The following CSGALNACT1 variants were observed in gnomAD, a reference collection of about 807,000 sequenced individuals.
CSGALNACT1 encodes the protein chondroitin sulfate N-acetylgalactosaminyltransferase 1.
Under a neutral mutation model 51.0 loss-of-function variants are expected in CSGALNACT1, and 52 were observed. The ratio of observed to expected loss-of-function variants is 1.02; its 90% confidence interval spans 0.82 to 1.29. The LOEUF (loss-of-function observed/expected upper bound fraction) is 1.29. CSGALNACT1 is among the 50% of genes most tolerant of loss of function. The pLI, the probability that CSGALNACT1 is intolerant of heterozygous loss-of-function variation, is 0.00. For missense variants in CSGALNACT1, 935 were observed against 679.2 expected (o/e 1.38, Z -4.19); for synonymous variants, 341 against 254.4 (o/e 1.34, Z -3.24).
At chr8:19,570,503 G>A (rs975253633) in intron 3 of CSGALNACT1, among the ~76,000 whole-genome samples, 3 of 152,136 alleles carry the variant, frequency 2.0e-5, no homozygotes, top group African/African-American at 7.2e-5. Context: ...AGAGCAAGAG[G>A]TAATGAGGAC....
intron 1 of CSGALNACT1, among the ~76,000 whole-genome samples, chr8:19,638,379 C>T (rs1005302383): frequency 9.2e-5 from 14 of 152,142 alleles, no homozygotes; most frequent in African/African-American, 2.4e-4. Flanking sequence ...TCACACCCAT[C>T]GGTGCCCACT....
intron 3 of CSGALNACT1, among the ~76,000 whole-genome samples, chr8:19,533,155 C>T (rs2083108050): frequency 6.6e-6 from 1 of 152,152 alleles, no homozygotes; most frequent in South Asian, 2.1e-4. Flanking sequence ...CTCCCTCTGT[C>T]ACCCAGGCTG....
chr8:19,727,676 T>G (rs1228472154), intron 1 of CSGALNACT1, among the ~76,000 whole-genome samples: 1 of 152,188 alleles, frequency 6.6e-6, no homozygotes, highest in African/African-American at 2.4e-5. Flanking sequence ...GGTGATATTC[T>G]CCTTTTTGGT....
Position 19,723,600 on chromosome 8 carries a change from G to A in CSGALNACT1, c.-297+34250C>T, listed in dbSNP as rs186300386. On this transcript the variant is annotated intron_variant, in intron 1 of 1. Transcript: ENST00000517494. ...GAGACATAAGATGAAGGCATGAAGAGGAAGGCACAGCAACAGGTTTGCTTT... is the reference window on the plus strand; with the variant it reads ...GAGACATAAGATGAAGGCATGAAGAAGAAGGCACAGCAACAGGTTTGCTTT... 5.6e-3 allele frequency among the ~76,000 whole-genome samples: 846 copies of A among 152,348 alleles called. 8 individuals are homozygous for A. The highest frequency in any genetic ancestry group is 1.0e-2 in the Non-Finnish European group (678 of 68,042).
At chr8:19,442,968 A>G (rs1410827124) in intron 5 of CSGALNACT1, among the ~76,000 whole-genome samples, 3 of 152,124 alleles carry the variant, frequency 2.0e-5, no homozygotes, top group Non-Finnish European at 4.4e-5. Context: ...TCCCAAGCAG[A>G]TATCATCACC....
rs1444093986 is a variant in CSGALNACT1 at position 19,569,741 on chromosome 8, T to C, written c.-297+21419A>G. 2.0e-5 allele frequency among the ~76,000 whole-genome samples: 3 copies of C among 152,132 alleles called. No homozygotes were observed. In the East Asian group the frequency reaches 5.8e-4, roughly 29 times the overall value. Reference sequence around the variant, plus strand: ...ACCCAGTAAGTCAAGAACAGACATGTCCACCAGAAAGCACGAACAAGGATA... The same window carrying C: ...ACCCAGTAAGTCAAGAACAGACATGCCCACCAGAAAGCACGAACAAGGATA... On this transcript the variant is annotated intron_variant, in intron 3 of 9. Transcript: ENST00000454498.
At chr8:19,733,252 A>C (rs1431150233) in intron 1 of CSGALNACT1, among the ~76,000 whole-genome samples, 1 of 152,198 alleles carries the variant, frequency 6.6e-6, no homozygotes, top group Non-Finnish European at 1.5e-5. Context: ...CCATCCCTAT[A>C]TTCCAAGTTC....
At chr8:19,488,403 A>G (rs2073576798) in intron 4 of CSGALNACT1, among the ~76,000 whole-genome samples, 1 of 113,678 alleles carries the variant, frequency 8.8e-6, no homozygotes, top group Non-Finnish European at 1.8e-5. Flanking sequence ...ATATATATAT[A>G]TATATATATA....
intron 3 of CSGALNACT1, among the ~76,000 whole-genome samples, chr8:19,587,695 G>T (rs17408499): frequency 0.05 from 7,554 of 152,108 alleles, 283 homozygotes; most frequent in Non-Finnish European, 0.071. Context: ...TAGTGGCAAG[G>T]GCATAGATAC....
intron 1 of CSGALNACT1, among the ~76,000 whole-genome samples, chr8:19,624,679 T>A (rs370077747): frequency 6.6e-6 from 1 of 151,914 alleles, no homozygotes; most frequent in Admixed American, 6.6e-5. Context: ...TCTTCTTGTT[T>A]TTTTTTTTTC....
At chr8:19,418,829 A>T in intron 7 of CSGALNACT1, 79 bp from the exon 7 acceptor site, 1 of 974,540 alleles carries the variant, frequency 1.0e-6, no homozygotes. Context: ...TGGCCCTCTG[A>T]AACACCCCAG....
intron 3 of CSGALNACT1, among the ~76,000 whole-genome samples, chr8:19,525,681 C>G (rs2081539385): frequency 8.2e-6 from 1 of 122,586 alleles, no homozygotes; most frequent in South Asian, 2.7e-4. Context: ...GTGCACAAAG[C>G]TGGAATAAAT....
intron 3 of CSGALNACT1, among the ~76,000 whole-genome samples, chr8:19,541,487 C>T (rs1040968588): frequency 3.3e-5 from 5 of 149,718 alleles, no homozygotes; most frequent in African/African-American, 9.9e-5. Flanking sequence ...CTCCTGACCT[C>T]ATGATCCGCC....
intron 5 of CSGALNACT1, among the ~76,000 whole-genome samples, chr8:19,444,015 AT>A (rs2061732018): frequency 6.6e-6 from 1 of 152,164 alleles, no homozygotes; most frequent in Non-Finnish European, 1.5e-5. Context: ...TCACCCTCCT[AT>A]AAGAATCTAA....
intron 4 of CSGALNACT1, among the ~76,000 whole-genome samples, chr8:19,463,255 G>A (rs767911086): frequency 3.3e-5 from 5 of 151,896 alleles, no homozygotes; most frequent in African/African-American, 9.7e-5. Flanking sequence ...CTATGGCTTC[G>A]CTATTGTGAA....
intron 1 of CSGALNACT1, among the ~76,000 whole-genome samples, chr8:19,701,765 C>A (rs566294781): frequency 1.1e-4 from 16 of 152,168 alleles, no homozygotes; most frequent in Admixed American, 9.2e-4. Context: ...AGTAATTTAC[C>A]CAAGATCTTG....
At chr8:19,418,147 T>C (rs1405059035) in intron 8 of CSGALNACT1, among the ~76,000 whole-genome samples, 1 of 152,024 alleles carries the variant, frequency 6.6e-6, no homozygotes, top group African/African-American at 2.4e-5. Flanking sequence ...AACAGTGGCA[T>C]GATGGGAAGG....
intron 3 of CSGALNACT1, among the ~76,000 whole-genome samples, chr8:19,570,256 T>A (rs73214630): frequency 6.6e-6 from 1 of 152,202 alleles, no homozygotes; most frequent in Admixed American, 6.5e-5. Context: ...GTTGGCTGTT[T>A]CCCAAGGCTT....
intron 1 of CSGALNACT1, among the ~76,000 whole-genome samples, chr8:19,747,177 A>G (rs923676236): frequency 3.9e-5 from 6 of 152,326 alleles, no homozygotes; most frequent in Non-Finnish European, 7.4e-5. Flanking sequence ...ACGACAGGGG[A>G]AAAATGCAGT....
Sources: gnomAD v4.1 joint callset for allele counts (sites outside exome capture counted in the v4.1 genomes callset) on GRCh38, gnomAD v4.1.1 for gene constraint, MANE v1.5 for transcripts, NCBI Gene and HGNC (gene_info 2026-07-23, HGNC 2026-07-21) for gene names.